The following HDAC4 variants were observed in gnomAD, a reference collection of about 807,000 sequenced individuals.
The protein encoded by HDAC4 is histone deacetylase 4.
A neutral mutation model predicts 135.1 loss-of-function variants in HDAC4; 16 were observed. The ratio of observed to expected loss-of-function variants is 0.12; its 90% confidence interval spans 0.08 to 0.18. The LOEUF (loss-of-function observed/expected upper bound fraction) is 0.18. Ranked by LOEUF, HDAC4 falls within the 10% of genes least tolerant of loss-of-function variation. The pLI, the probability that HDAC4 is intolerant of heterozygous loss-of-function variation, is 1.00. For synonymous variants in HDAC4, 685 were observed against 653.4 expected (o/e 1.05, Z -0.74); for missense variants, 1,143 against 1,511.8 (o/e 0.76, Z 4.05).
chr2:239,128,451 C>T (rs1459187751), intron 11 of HDAC4, among the ~76,000 whole-genome samples: 1 of 151,920 alleles, frequency 6.6e-6, no homozygotes, highest in African/African-American at 2.4e-5. Context: ...ATTGCTTGAA[C>T]CTGGGAGGCA....
intron 2 of HDAC4, among the ~76,000 whole-genome samples, chr2:239,318,747 T>G (rs1395823604): frequency 6.6e-6 from 1 of 151,960 alleles, no homozygotes; most frequent in Non-Finnish European, 1.5e-5. Flanking sequence ...TTTTGCTGAT[T>G]TTCTGTAAGT....
chr2:239,310,462 T>A (rs997384829), intron 2 of HDAC4, among the ~76,000 whole-genome samples: 1 of 152,026 alleles, frequency 6.6e-6, no homozygotes, highest in Non-Finnish European at 1.5e-5. Context: ...AGTGTGTCTG[T>A]GAGAGAGTGT....
At chr2:239,138,599 C>T (rs569287476) in intron 9 of HDAC4, among the ~76,000 whole-genome samples, 5 of 152,344 alleles carry the variant, frequency 3.3e-5, no homozygotes, top group South Asian at 2.1e-4. Flanking sequence ...ACTGCTAAAG[C>T]GTACCCCTCC....
intron 9 of HDAC4, among the ~76,000 whole-genome samples, chr2:239,137,514 C>T (rs774695505): frequency 7.4e-4 from 113 of 152,196 alleles, no homozygotes; most frequent in Admixed American, 1.8e-3. Flanking sequence ...AGGAGGTGCC[C>T]GGCACACTGG....
intron 2 of HDAC4, among the ~76,000 whole-genome samples, chr2:239,338,958 G>A (rs1267537744): frequency 6.6e-6 from 1 of 152,196 alleles, no homozygotes; most frequent in Non-Finnish European, 1.5e-5. Flanking sequence ...GTGTTAAACT[G>A]ACTTGAAAGG....
intron 2 of HDAC4, among the ~76,000 whole-genome samples, chr2:239,288,317 G>A (rs2051254191): frequency 6.6e-6 from 1 of 152,196 alleles, no homozygotes; most frequent in Non-Finnish European, 1.5e-5. Flanking sequence ...TTGAAAAAGG[G>A]AATCTAAAAT....
intron 2 of HDAC4, among the ~76,000 whole-genome samples, chr2:239,336,753 C>T (rs754793377): frequency 3.3e-5 from 5 of 152,206 alleles, no homozygotes; most frequent in Admixed American, 6.5e-5. Flanking sequence ...TACCTTACTA[C>T]GGTATGTTAG....
At chr2:239,289,266 T>C (rs2051320041) in intron 2 of HDAC4, among the ~76,000 whole-genome samples, 1 of 152,246 alleles carries the variant, frequency 6.6e-6, no homozygotes, top group South Asian at 2.1e-4. Flanking sequence ...AGAGAAAATA[T>C]ACAAGGTTAT....
rs559412270 is a variant in HDAC4, at chr2:239,063,223, C to T, written c.3003+3499G>A. ...GTCTTTTTTTGTTTTTTTTTTTAGG[C>T]GGAGTCTCGCTCTCTCGCCCAGGCT... On this transcript the variant is annotated intron_variant, in intron 24 of 26. Transcript: ENST00000543185. 1.2e-4 allele frequency among the ~76,000 whole-genome samples: 18 copies of T among 151,366 alleles called. 1 individual carries two copies. The highest frequency in any genetic ancestry group is 7.9e-4 in the Admixed American group (12 of 15,252).
intron 3 of HDAC4, among the ~76,000 whole-genome samples, chr2:239,203,635 C>T (rs921533848): frequency 2.6e-5 from 4 of 152,166 alleles, no homozygotes; most frequent in African/African-American, 9.7e-5. Context: ...GGTGTGGTGA[C>T]TGCCGTGGTG....
At position 239,049,969 on chromosome 2, in the gene HDAC4, A is replaced by AAAG. The variant is rs1200516162; in HGVS notation, c.*3125_*3127dup. The stretch of plus-strand genomic sequence containing the variant: ...CAGCCAGTGCCCCCAAGGCCTTTGC[A>AAAG]AAGGAAGAAAAAGGCTAAAGGTCCA... On this transcript the variant is annotated 3_prime_UTR_variant, in exon 27 of 27. Transcript: ENST00000543185. The AAAG allele has an allele frequency of 6.6e-6, 1 of 152,666 alleles. No individual in the cohort carries two copies. The highest frequency in any genetic ancestry group is 2.4e-5 in the African/African-American group (1 of 41,470). 9.5% of individuals were successfully genotyped at this position (152,666 alleles called of 1,614,324 possible). A position where few individuals can be genotyped will look rare whatever the true frequency, so the allele number is the denominator to read the frequency against.
intron 2 of HDAC4, among the ~76,000 whole-genome samples, chr2:239,270,348 G>T (rs1434752928): frequency 6.6e-6 from 1 of 152,204 alleles, no homozygotes; most frequent in Non-Finnish European, 1.5e-5. Flanking sequence ...ATGCTCATTA[G>T]CTGCCCCCCG....
At chr2:239,207,822 A>C (rs1403647460) in intron 3 of HDAC4, among the ~76,000 whole-genome samples, 1 of 152,220 alleles carries the variant, frequency 6.6e-6, no homozygotes, top group Non-Finnish European at 1.5e-5. Flanking sequence ...AGAGAATGCA[A>C]AGGGCAGGCA....
chr2:239,348,610 C>A (rs942356624), intron 2 of HDAC4, among the ~76,000 whole-genome samples: 1 of 152,228 alleles, frequency 6.6e-6, no homozygotes, highest in African/African-American at 2.4e-5. Context: ...CGTCCACACT[C>A]CCGGTTTCAT....
In HDAC4 at chr2:239,114,806, C is replaced by T. The variant is rs114409203; in HGVS notation, c.1791+247G>A. Reference sequence around the variant, plus strand: ...AAGGAAATCCATTCTCTGGGGCCTGCGCATGGCTGGAAAGCAGTTACGTAA... The same window carrying T: ...AAGGAAATCCATTCTCTGGGGCCTGTGCATGGCTGGAAAGCAGTTACGTAA... On this transcript the variant is annotated intron_variant, in intron 13 of 26. Transcript: ENST00000543185. Among the ~76,000 whole-genome samples the T allele has an allele frequency of 8.3e-3, 1,268 of 152,240 alleles. 15 individuals carry two copies. Among genetic ancestry groups the T allele is most frequent in the African/African-American group, 0.029 (1,215 of 41,530 alleles).
At position 239,236,280 on chromosome 2, in the gene HDAC4, C is replaced by T. The variant is rs532080886; in HGVS notation, c.94+313G>A. 2.1e-3 allele frequency among the ~76,000 whole-genome samples: 324 copies of T among 152,274 alleles called. 1 individual carries two copies. Among genetic ancestry groups the T allele is most frequent in the African/African-American group, 7.6e-3 (315 of 41,542 alleles). Reference sequence around the variant, plus strand: ...CAGAGGTCTTTCCTACAGGCCCTCACGGGGATCAGGGCCAGGGGTTACACC... The same window carrying T: ...CAGAGGTCTTTCCTACAGGCCCTCATGGGGATCAGGGCCAGGGGTTACACC... On this transcript the variant is annotated intron_variant, in intron 3 of 26. Transcript: ENST00000543185.
chr2:239,311,442 A>G (rs2052872986), intron 2 of HDAC4, among the ~76,000 whole-genome samples: 1 of 152,230 alleles, frequency 6.6e-6, no homozygotes, highest in Non-Finnish European at 1.5e-5. Flanking sequence ...TCCGCAGAAC[A>G]CATAACTCCT....
At chr2:239,314,068 C>T (rs760310080) in intron 2 of HDAC4, among the ~76,000 whole-genome samples, 11 of 152,124 alleles carry the variant, frequency 7.2e-5, no homozygotes, top group African/African-American at 1.2e-4. Context: ...CCAGACCCCT[C>T]GCAATGGTTT....
At chr2:239,264,668 T>G (rs191278039) in intron 2 of HDAC4, among the ~76,000 whole-genome samples, 1 of 152,154 alleles carries the variant, frequency 6.6e-6, no homozygotes, top group East Asian at 1.9e-4. Flanking sequence ...AGTCGAAGAA[T>G]AGATCAGCCT....
Sources: gnomAD v4.1 joint callset for allele counts (sites outside exome capture counted in the v4.1 genomes callset) on GRCh38, gnomAD v4.1.1 for gene constraint, MANE v1.5 for transcripts, NCBI Gene and HGNC (gene_info 2026-07-23, HGNC 2026-07-21) for gene names.